FHOD3: variants seen among roughly 807,000 people sequenced by gnomAD.
FHOD3 encodes the protein formin homology 2 domain containing 3.
In FHOD3, 90 loss-of-function variants were observed where a neutral mutation model predicts 173.0. The ratio of observed to expected loss-of-function variants is 0.52; its 90% CI spans 0.44 to 0.62. The LOEUF (loss-of-function observed/expected upper bound fraction) is 0.62, where lower values mean the gene tolerates loss of function less well. FHOD3 is among the 20% of genes least tolerant of loss of function. The pLI is 0.00. For synonymous variants in FHOD3, 828 were observed against 823.0 expected (o/e 1.01, Z -0.10); for missense variants, 1,945 against 2,034.7 (o/e 0.96, Z 0.85).
chr18:36,662,365 T>A (rs1292937814), intron 14 of FHOD3, among the ~76,000 whole-genome samples: 1 of 152,192 alleles, frequency 6.6e-6, no homozygotes, highest in Non-Finnish European at 1.5e-5. Flanking sequence ...GGGAAGAGGT[T>A]GTAGGAACCT....
intron 19 of FHOD3, among the ~76,000 whole-genome samples, chr18:36,727,902 C>A (rs1269212154): frequency 1.3e-5 from 2 of 152,180 alleles, no homozygotes; most frequent in Non-Finnish European, 2.9e-5. Context: ...GCTGGCTGGG[C>A]TCCTAGAGTG....
chr18:36,478,566 C>T lies in FHOD3; in HGVS notation c.338-23366C>T, dbSNP rs2145398412. On this transcript the variant is annotated intron_variant, in intron 3 of 28. Transcript: ENST00000590592. ...CCCACTCCCTCTGCCAATGTAGCCT[C>T]TTCTTAAACAGGTCTGCCTCCTTCT... Among the ~76,000 whole-genome samples, 2 of 152,238 alleles carry T rather than the reference C, an allele frequency of 1.3e-5. 1 individual carries two copies. Among genetic ancestry groups the T allele is most frequent in the South Asian group, 4.1e-4 (2 of 4,830 alleles).
At chr18:36,481,581 C>A (rs75634455) in intron 3 of FHOD3, among the ~76,000 whole-genome samples, 1 of 151,864 alleles carries the variant, frequency 6.6e-6, no homozygotes, top group African/African-American at 2.4e-5. Context: ...CATTTGGGTT[C>A]CGTTGGTACC....
chr18:36,541,793 T>C (rs1235398521), intron 5 of FHOD3, among the ~76,000 whole-genome samples: 1 of 152,200 alleles, frequency 6.6e-6, no homozygotes, highest in Non-Finnish European at 1.5e-5. Flanking sequence ...TGCTTCTCTA[T>C]GGGGCAGAAT....
rs752794648 is a variant in FHOD3 at position 36,718,294 on chromosome 18, A to G, written c.2996A>G (p.Asp999Gly). 1.9e-5 allele frequency: 31 copies of G among 1,613,986 alleles called. No individual in the cohort carries two copies. Among genetic ancestry groups the G allele is most frequent in the Non-Finnish European group, 2.5e-5 (30 of 1,180,014 alleles). The change falls in exon 19 of 29, where the codon GAC becomes GGC. Residue 999 changes from aspartate (D) to glycine (G), a missense_variant. This residue lies in a region of FHOD3 where 1,099 missense variants were observed against 1,051.2 expected (regional missense o/e 1.05). Transcript: ENST00000590592. Reference protein sequence around the residue: ...ELRIQDMDFTDLGEEDDIDVL... With the variant: ...ELRIQDMDFTGLGEEDDIDVL... ...AGAATCCAAGACATGGATTTCACTG[A>G]CCTGGGGGAGGAGGATGACATTGAT...
Position 36,760,394 on chromosome 18 carries a change from C to G in FHOD3, c.4450-214C>G, listed in dbSNP as rs111854701. 5.1e-3 allele frequency among the ~76,000 whole-genome samples: 774 copies of G among 152,234 alleles called. 8 individuals are homozygous for G. Among genetic ancestry groups the G allele is most frequent in the African/African-American group, 0.017 (718 of 41,546 alleles). ...TACAATGGATGAATGGGTGGTGGTC[C>G]TTCTGGGGCCGGGGGCTTTTCTGTC... On this transcript the variant is annotated intron_variant, in intron 26 of 28. Transcript: ENST00000590592.
At chr18:36,736,652 C>T (rs1213582562) in intron 20 of FHOD3, among the ~76,000 whole-genome samples, 1 of 152,190 alleles carries the variant, frequency 6.6e-6, no homozygotes, top group Non-Finnish European at 1.5e-5. Flanking sequence ...ACGACAATCT[C>T]TGATGTCCTG....
intron 3 of FHOD3, among the ~76,000 whole-genome samples, chr18:36,434,266 A>G (rs1378058460): frequency 6.6e-6 from 1 of 152,224 alleles, no homozygotes; most frequent in Admixed American, 6.5e-5. Context: ...TGGATGAGGT[A>G]AGATATGGAT....
intron 8 of FHOD3, among the ~76,000 whole-genome samples, chr18:36,605,256 C>A (rs1165459330): frequency 6.6e-6 from 1 of 152,180 alleles, no homozygotes; most frequent in African/African-American, 2.4e-5. Flanking sequence ...TTTCACACTG[C>A]CACAGTGTTC....
Position 36,617,582 on chromosome 18 carries a change from C to CGTGTGTGTGTGT in FHOD3, c.957+5487_957+5488insGTGTGTGTGTGT, listed in dbSNP as rs1568500290. Among the ~76,000 whole-genome samples, 13 of 61,324 alleles carry CGTGTGTGTGTGT rather than the reference C, an allele frequency of 2.1e-4. No homozygotes were observed. In the Admixed American group the frequency reaches 2.3e-3, roughly 11 times the overall value. 40.2% of individuals were successfully genotyped at this position (61,324 alleles called of 152,430 possible). On this transcript the variant is annotated intron_variant, in intron 9 of 28. Transcript: ENST00000590592. ...GCTACTACGAGAGTTCTTGTACTTC[C>CGTGTGTGTGTGT]CTGTGTGTGTGTGTGTGTGTGTGTG...
intron 18 of FHOD3, chr18:36,711,052 A>G (rs1568649283): frequency 6.6e-6 from 1 of 152,254 alleles, no homozygotes; most frequent in Non-Finnish European, 1.5e-5. Flanking sequence ...CCAGTGAAGA[A>G]CCACTGACTT....
chr18:36,421,100 G>T (rs114756790), intron 3 of FHOD3, among the ~76,000 whole-genome samples: 2,645 of 152,222 alleles, frequency 0.017, 72 homozygotes, highest in African/African-American at 0.06. Flanking sequence ...ACTGTTTTTA[G>T]TTTTCACTAA....
At chr18:36,298,308 C>T (rs1281960389) in intron 1 of FHOD3, among the ~76,000 whole-genome samples, 1 of 151,432 alleles carries the variant, frequency 6.6e-6, no homozygotes, top group Non-Finnish European at 1.5e-5. Context: ...GTTAGCTCGG[C>T]CGGGTGGGCG....
intron 8 of FHOD3, among the ~76,000 whole-genome samples, chr18:36,608,526 A>G (rs913346340): frequency 4.6e-5 from 7 of 152,240 alleles, no homozygotes; most frequent in Non-Finnish European, 1.0e-4. Context: ...CATTCAAACC[A>G]TAACAATGCA....
Position 36,652,790 on chromosome 18 carries a change from C to G in FHOD3, c.1507C>G (p.Pro503Ala). The change falls in exon 12 of 29, where the codon CCA becomes GCA. Residue 503 changes from proline (P) to alanine (A), a missense_variant. Physicochemically the swap from Pro to Ala is conservative, Grantham distance 27 (BLOSUM62 -1). This residue lies in a region of FHOD3 where 1,099 missense variants were observed against 1,051.2 expected (regional missense o/e 1.05). Coordinates refer to ENST00000590592, the MANE Select transcript of FHOD3 (RefSeq NM_001281740.3). The stretch of plus-strand genomic sequence containing the variant: ...AGCTGCTCGGCCCTCCTCCGCCACA[C>G]CAGGCTCCCTGAAGGTGTCACCGAC... ...ASAARPSSAT[P>A]GSLKVSPTID... 1 of 1,536,032 alleles carries G rather than the reference C, an allele frequency of 6.5e-7. No individual in the cohort carries two copies. Among genetic ancestry groups the G allele is most frequent in the Non-Finnish European group, 8.7e-7 (1 of 1,146,742 alleles).
chr18:36,693,279 G>A lies in FHOD3; in HGVS notation c.2092G>A (p.Gly698Ser). Reference sequence around the variant, plus strand: ...GCTGAGAAGCCGGAGTGTGAGCCGGGGCAGAGCCGACCTCTCCTTGGACCT... The same window carrying A: ...GCTGAGAAGCCGGAGTGTGAGCCGGAGCAGAGCCGACCTCTCCTTGGACCT... ...KELRSRSVSR[G>S]RADLSLDLTS... The change falls in exon 17 of 29, where the codon GGC (glycine) becomes AGC (serine). Residue 698 changes from glycine to serine, a missense_variant. By Grantham distance (56) the Gly-to-Ser change is moderately conservative. This residue lies in a region of FHOD3 where 1,099 missense variants were observed against 1,051.2 expected (regional missense o/e 1.05). Transcript: ENST00000590592. The A allele has an allele frequency of 6.2e-7, 1 of 1,613,802 alleles. No individual in the cohort carries two copies. Among genetic ancestry groups the A allele is most frequent in the Non-Finnish European group, 8.5e-7 (1 of 1,179,840 alleles).
intron 3 of FHOD3, among the ~76,000 whole-genome samples, chr18:36,459,433 C>T (rs901560760): frequency 2.6e-5 from 4 of 152,190 alleles, no homozygotes; most frequent in Admixed American, 6.5e-5. Context: ...CGAACCGCCT[C>T]GCTGGCTGGG....
At chr18:36,547,434 C>T (rs1051575783) in intron 5 of FHOD3, among the ~76,000 whole-genome samples, 3 of 152,064 alleles carry the variant, frequency 2.0e-5, no homozygotes, top group Non-Finnish European at 4.4e-5. Flanking sequence ...CAGGTTAAAC[C>T]ATCTCATTTT....
intron 9 of FHOD3, among the ~76,000 whole-genome samples, chr18:36,618,603 C>T (rs995548706): frequency 2.6e-5 from 4 of 152,122 alleles, no homozygotes; most frequent in African/African-American, 7.2e-5. Context: ...TGAGCCACCG[C>T]ACCTGGCCAA....
Sources: allele counts gnomAD v4.1 joint callset (sites outside exome capture counted in the v4.1 genomes callset), GRCh38; gene constraint gnomAD v4.1.1; regional missense constraint gnomAD v4.1.1; transcripts MANE v1.5; gene names NCBI Gene and HGNC (gene_info 2026-07-23, HGNC 2026-07-21).